ERC2: variants seen among roughly 807,000 people sequenced by gnomAD.
ERC2 encodes ERC protein 2.
In ERC2, 42 loss-of-function variants were observed where a neutral mutation model predicts 114.8. The observed-to-expected ratio is 0.37, with a 90% CI of 0.29 to 0.47. The LOEUF is 0.47. Among genes scored for constraint, ERC2 ranks in the 20% least tolerant of loss-of-function variants. The pLI is 0.99. For missense variants in ERC2, 939 were observed against 1,150.7 expected (o/e 0.82, Z 2.66); for synonymous variants, 454 against 425.5 (o/e 1.07, Z -0.82).
intron 7 of ERC2, among the ~76,000 whole-genome samples, chr3:56,058,575 G>A (rs6445764): frequency 6.6e-6 from 1 of 152,034 alleles, no homozygotes; most frequent in South Asian, 2.1e-4. Context: ...GATGACACAT[G>A]AAGTCAGTGG....
At chr3:56,445,366 C>T (rs1014427197) in intron 1 of ERC2, among the ~76,000 whole-genome samples, 1 of 152,164 alleles carries the variant, frequency 6.6e-6, no homozygotes, top group Non-Finnish European at 1.5e-5. Flanking sequence ...AAGTTCTTTA[C>T]CAAATCTTAT....
At chr3:56,441,353 A>T (rs1038189738) in intron 1 of ERC2, among the ~76,000 whole-genome samples, 1 of 152,214 alleles carries the variant, frequency 6.6e-6, no homozygotes, top group Non-Finnish European at 1.5e-5. Flanking sequence ...CACTATATGT[A>T]ACAAGACCAC....
chr3:55,737,898 T>C (rs2065740692), intron 14 of ERC2, among the ~76,000 whole-genome samples: 1 of 152,110 alleles, frequency 6.6e-6, no homozygotes, highest in South Asian at 2.1e-4. Context: ...CATATAATAG[T>C]GTCTCCTTCC....
At chr3:56,104,170 C>A (rs541495852) in intron 6 of ERC2, among the ~76,000 whole-genome samples, 1 of 149,814 alleles carries the variant, frequency 6.7e-6, no homozygotes, top group East Asian at 2.0e-4. Flanking sequence ...TTTGTTCCAG[C>A]AAATCTTTGC....
intron 14 of ERC2, among the ~76,000 whole-genome samples, chr3:55,777,413 C>A (rs1190756449): frequency 6.6e-6 from 1 of 152,214 alleles, no homozygotes; most frequent in Non-Finnish European, 1.5e-5. Flanking sequence ...AGGACCTACC[C>A]CTCAGACCAT....
intron 14 of ERC2, among the ~76,000 whole-genome samples, chr3:55,771,270 T>C (rs1325444218): frequency 6.6e-6 from 1 of 152,168 alleles, no homozygotes; most frequent in Non-Finnish European, 1.5e-5. Flanking sequence ...CAACTGTTGG[T>C]TTTTTAATAC....
At chr3:55,881,163 C>A (rs1468718612) in intron 14 of ERC2, among the ~76,000 whole-genome samples, 4 of 152,154 alleles carry the variant, frequency 2.6e-5, no homozygotes, top group African/African-American at 9.7e-5. Flanking sequence ...TTTATCATTT[C>A]TGCACCCTTG....
chr3:56,064,753 C>T (rs2076395129), intron 7 of ERC2, among the ~76,000 whole-genome samples: 2 of 126,346 alleles, frequency 1.6e-5, no homozygotes, highest in South Asian at 5.2e-4. Flanking sequence ...GATAGAGTTG[C>T]CTAGAGGCTG....
chr3:56,011,555 A>G (rs576521986), intron 8 of ERC2, among the ~76,000 whole-genome samples: 3 of 152,204 alleles, frequency 2.0e-5, no homozygotes, highest in Non-Finnish European at 4.4e-5. Context: ...TGCTTTGTAG[A>G]CTTGTTTTCC....
At chr3:55,796,093 A>G (rs967520206) in intron 14 of ERC2, among the ~76,000 whole-genome samples, 2 of 152,264 alleles carry the variant, frequency 1.3e-5, no homozygotes, top group Non-Finnish European at 2.9e-5. Flanking sequence ...GGGAGGGTAG[A>G]AAGAAATCAA....
At chr3:56,177,641 C>T (rs1047059474) in intron 3 of ERC2, among the ~76,000 whole-genome samples, 4 of 152,166 alleles carry the variant, frequency 2.6e-5, no homozygotes, top group African/African-American at 7.2e-5. Flanking sequence ...CAGAAGTTTA[C>T]CTTTGAGCCA....
chr3:56,258,575 A>G (rs2052684036), intron 3 of ERC2, among the ~76,000 whole-genome samples: 2 of 152,158 alleles, frequency 1.3e-5, no homozygotes, highest in Non-Finnish European at 2.9e-5. Flanking sequence ...AATGGCGTGA[A>G]CCCGGGAGGC....
chr3:56,149,507 A>AT (rs2081310012), intron 4 of ERC2, among the ~76,000 whole-genome samples: 1 of 152,204 alleles, frequency 6.6e-6, no homozygotes, highest in Non-Finnish European at 1.5e-5. Flanking sequence ...ATATTTTTGA[A>AT]TCTACTTATA....
intron 17 of ERC2, among the ~76,000 whole-genome samples, chr3:55,633,900 C>T (rs1264467778): frequency 6.6e-6 from 1 of 152,198 alleles, no homozygotes; most frequent in African/African-American, 2.4e-5. Flanking sequence ...CACACCATGC[C>T]TGGGAGTCAA....
intron 17 of ERC2, among the ~76,000 whole-genome samples, chr3:55,649,097 C>T (rs1052788111): frequency 6.6e-6 from 1 of 152,092 alleles, no homozygotes; most frequent in African/African-American, 2.4e-5. Context: ...TCATCCTTCC[C>T]CAAACATTCC....
intron 14 of ERC2, among the ~76,000 whole-genome samples, chr3:55,803,601 G>C (rs2059386102): frequency 6.7e-6 from 1 of 148,894 alleles, no homozygotes; most frequent in Non-Finnish European, 1.5e-5. Flanking sequence ...CTGGTCCCCT[G>C]TTGATTTATA....
At chr3:55,686,435 C>T (rs936478159) in intron 16 of ERC2, among the ~76,000 whole-genome samples, 35 of 152,142 alleles carry the variant, frequency 2.3e-4, no homozygotes, top group Non-Finnish European at 4.0e-4. Flanking sequence ...TGACCCTCAT[C>T]GCCAAATGAT....
intron 10 of ERC2, among the ~76,000 whole-genome samples, chr3:56,003,474 CT>C (rs2072239475): frequency 6.6e-6 from 1 of 152,220 alleles, no homozygotes; most frequent in Middle Eastern, 3.4e-3. Context: ...AGAAGAAGTA[CT>C]TTTGGCCAAG....
intron 7 of ERC2, among the ~76,000 whole-genome samples, chr3:56,033,257 G>A (rs2074593248): frequency 6.6e-6 from 1 of 152,066 alleles, no homozygotes; most frequent in Admixed American, 6.6e-5. Flanking sequence ...AATTAGCTGG[G>A]TGTGGTGGTG....
Sources: gnomAD v4.1 joint callset for allele counts (sites outside exome capture counted in the v4.1 genomes callset) on GRCh38, gnomAD v4.1.1 for gene constraint, MANE v1.5 for transcripts, NCBI Gene and HGNC (gene_info 2026-07-23, HGNC 2026-07-21) for gene names.